ADAMTS12: variants seen among roughly 807,000 people sequenced by gnomAD.
The protein encoded by ADAMTS12 is A disintegrin and metalloproteinase with thrombospondin motifs 12.
In ADAMTS12, 118 loss-of-function variants were observed where a neutral mutation model predicts 167.8. That is an observed-to-expected ratio of 0.70 (90% CI 0.61 to 0.82). The LOEUF is 0.82. Among genes scored for constraint, ADAMTS12 ranks in the 40% least tolerant of loss-of-function variants. The pLI is 0.00. For missense variants in ADAMTS12, 1,916 were observed against 1,998.8 expected, an observed-to-expected ratio of 0.96 and a Z score of 0.79; for synonymous variants, 704 against 716.9, an observed-to-expected ratio of 0.98 and a Z score of 0.29.
Position 33,624,306 on chromosome 5 carries a change from G to C in ADAMTS12, c.2068C>G (p.Arg690Gly), listed in dbSNP as rs146677662. 6.2e-7 allele frequency: 1 copy of C among 1,614,036 alleles called. No individual in the cohort carries two copies. The change falls in exon 14 of 24, where the codon CGC becomes GGC. Residue 690 changes from arginine (R) to glycine (G), a missense_variant. Coordinates refer to ENST00000504830, the MANE Select transcript of ADAMTS12 (RefSeq NM_030955.4). ...CCATCTCCCAGGCACACACCGCAGC[G>C]ATCCTCGGTGGCATTGGAATCGATC... ...YEIDSNATED[R>G]CGVCLGDGSS...
intron 16 of ADAMTS12, among the ~76,000 whole-genome samples, chr5:33,613,596 T>C (rs1738837825): frequency 6.6e-6 from 1 of 152,228 alleles, no homozygotes; most frequent in African/African-American, 2.4e-5. Context: ...GTATGTCTTA[T>C]GTAGGAAATG....
intron 2 of ADAMTS12, among the ~76,000 whole-genome samples, chr5:33,776,078 A>G (rs1314169964): frequency 6.6e-6 from 1 of 152,218 alleles, no homozygotes; most frequent in Non-Finnish European, 1.5e-5. Context: ...TATGAAACAA[A>G]TATCAACAGA....
At chr5:33,719,647 T>C (rs537264945) in intron 3 of ADAMTS12, among the ~76,000 whole-genome samples, 38 of 152,318 alleles carry the variant, frequency 2.5e-4, no homozygotes, top group African/African-American at 9.1e-4. Context: ...CCAAGTGGCA[T>C]TTAAACCCTG....
intron 9 of ADAMTS12, among the ~76,000 whole-genome samples, chr5:33,643,770 T>C (rs1740559443): frequency 6.6e-6 from 1 of 152,208 alleles, no homozygotes; most frequent in African/African-American, 2.4e-5. Flanking sequence ...CCAGCCCTCA[T>C]TGCTCTTGGG....
chr5:33,870,194 C>A (rs1406201935), intron 2 of ADAMTS12, among the ~76,000 whole-genome samples: 5 of 152,126 alleles, frequency 3.3e-5, no homozygotes, highest in Non-Finnish European at 7.4e-5. Flanking sequence ...GCTTTACGAA[C>A]AATTTGTGCA....
At chr5:33,628,455 T>A (rs1739763329) in intron 13 of ADAMTS12, among the ~76,000 whole-genome samples, 1 of 152,202 alleles carries the variant, frequency 6.6e-6, no homozygotes, top group Admixed American at 6.5e-5. Flanking sequence ...GATAGTTACC[T>A]CCCAGAACAA....
At chr5:33,621,399 C>CAAAA (rs202182365) in intron 14 of ADAMTS12, among the ~76,000 whole-genome samples, 2 of 82,108 alleles carry the variant, frequency 2.4e-5, no homozygotes, top group African/African-American at 4.7e-5. Flanking sequence ...GACTCCATCT[C>CAAAA]AAAAAAAAAA....
intron 2 of ADAMTS12, among the ~76,000 whole-genome samples, chr5:33,839,069 T>A (rs1748641254): frequency 6.6e-6 from 1 of 152,154 alleles, no homozygotes; most frequent in Admixed American, 6.5e-5. Flanking sequence ...CTAAAACAGG[T>A]CTTTTCAAAC....
intron 16 of ADAMTS12, among the ~76,000 whole-genome samples, chr5:33,610,200 AGC>A (rs1738660698): frequency 2.6e-5 from 4 of 151,940 alleles, no homozygotes; most frequent in African/African-American, 9.7e-5. Context: ...GAACAACAAC[AGC>A]AACAACAAAA....
chr5:33,690,217 G>A (rs1371530354), intron 3 of ADAMTS12, among the ~76,000 whole-genome samples: 1 of 152,148 alleles, frequency 6.6e-6, no homozygotes, highest in Non-Finnish European at 1.5e-5. Context: ...ATATTTGAAG[G>A]GTCTCTGTAG....
chr5:33,681,772 G>A (rs754263096), intron 5 of ADAMTS12, among the ~76,000 whole-genome samples: 12 of 152,140 alleles, frequency 7.9e-5, no homozygotes, highest in Non-Finnish European at 1.5e-4. Flanking sequence ...GGAGAGAGAT[G>A]TTTCAGGCAC....
At chr5:33,742,022 A>AT (rs1315953728) in intron 3 of ADAMTS12, among the ~76,000 whole-genome samples, 5 of 152,078 alleles carry the variant, frequency 3.3e-5, no homozygotes, top group Non-Finnish European at 7.4e-5. Context: ...CGATTTTGTG[A>AT]TTTTTTGTTT....
At chr5:33,718,161 G>A (rs749912904) in intron 3 of ADAMTS12, among the ~76,000 whole-genome samples, 11 of 152,210 alleles carry the variant, frequency 7.2e-5, no homozygotes, top group Non-Finnish European at 1.5e-4. Context: ...CACAGATTGT[G>A]ATAAATAGGG....
chr5:33,881,315 T>G lies in ADAMTS12; in HGVS notation c.293A>C (p.Glu98Ala), dbSNP rs1184350777. ...EDWVYYRISH[E>A]EKDLFFNLTV... ...CAAGTTAAAAAACAGGTCCTTCTCC[T>G]CGTGAGAAATTCTGTAGTACACCCA... The change falls in exon 2 of 24, where the codon GAG (glutamate) becomes GCG (alanine). Residue 98 changes from glutamate to alanine, a missense_variant. Physicochemically the swap from Glu to Ala is moderately radical, Grantham distance 107 (BLOSUM62 -1). Coordinates refer to ENST00000504830, the MANE Select transcript of ADAMTS12 (RefSeq NM_030955.4). 6.2e-7 allele frequency: 1 copy of G among 1,614,194 alleles called. No homozygotes were observed. The highest frequency in any genetic ancestry group is 1.1e-5 in the South Asian group (1 of 91,088).
intron 7 of ADAMTS12, 139 bp downstream of exon 7, chr5:33,658,045 G>T: frequency 9.3e-7 from 1 of 1,080,002 alleles, no homozygotes; most frequent in Non-Finnish European, 1.4e-6. Flanking sequence ...GAAAGCAGAG[G>T]TTGAGGAGGG....
At chr5:33,662,930 G>A (rs550316012) in intron 5 of ADAMTS12, among the ~76,000 whole-genome samples, 2 of 152,294 alleles carry the variant, frequency 1.3e-5, no homozygotes, top group South Asian at 2.1e-4. Flanking sequence ...TCTCATCTGA[G>A]CCTTGCTCTG....
chr5:33,832,513 T>C (rs1484211706), intron 2 of ADAMTS12, among the ~76,000 whole-genome samples: 1 of 152,228 alleles, frequency 6.6e-6, no homozygotes, highest in Non-Finnish European at 1.5e-5. Context: ...TTCCCTCTTC[T>C]TGTACTCAGA....
At chr5:33,617,304 T>C (rs945070334) in intron 14 of ADAMTS12, among the ~76,000 whole-genome samples, 1 of 152,094 alleles carries the variant, frequency 6.6e-6, no homozygotes, top group African/African-American at 2.4e-5. Flanking sequence ...CGTTATTTGG[T>C]CTGATGAGCA....
At chr5:33,599,673 C>T (rs1738089344) in intron 16 of ADAMTS12, among the ~76,000 whole-genome samples, 1 of 152,178 alleles carries the variant, frequency 6.6e-6, no homozygotes, top group Non-Finnish European at 1.5e-5. Flanking sequence ...GCAAGGTCGT[C>T]AGCTTGACTG....
Sources: allele counts gnomAD v4.1 joint callset (sites outside exome capture counted in the v4.1 genomes callset), GRCh38; gene constraint gnomAD v4.1.1; transcripts MANE v1.5; gene names NCBI Gene and HGNC (gene_info 2026-07-23, HGNC 2026-07-21).